UNC13B: variants seen among roughly 807,000 people sequenced by gnomAD.
UNC13B encodes the protein unc-13 homolog B, also known as protein unc-13 homolog B.
UNC13B carries 144 observed loss-of-function variants against 211.0 expected under a neutral mutation model. The ratio of observed to expected loss-of-function variants is 0.68; its 90% confidence interval spans 0.60 to 0.78. The LOEUF (loss-of-function observed/expected upper bound fraction) is 0.78. Among genes scored for constraint, UNC13B ranks in the 30% least tolerant of loss-of-function variants. UNC13B has a pLI of 0.00. For missense variants in UNC13B, 1,777 were observed against 2,002.0 expected (o/e 0.89, Z 2.14); for synonymous variants, 709 against 725.8 (o/e 0.98, Z 0.37).
chr9:35,284,482 G>A (rs1828680801), intron 7 of UNC13B, among the ~76,000 whole-genome samples: 1 of 151,858 alleles, frequency 6.6e-6, no homozygotes, highest in South Asian at 2.1e-4. Context: ...AATCATCTTT[G>A]CCTTTCTAAA....
intron 6 of UNC13B, among the ~76,000 whole-genome samples, chr9:35,250,523 A>G (rs1271734178): frequency 1.3e-5 from 2 of 152,192 alleles, no homozygotes; most frequent in African/African-American, 4.8e-5. Context: ...ATAACATTCC[A>G]TTGTATGGAT....
At chr9:35,258,747 G>T (rs766124129) in intron 6 of UNC13B, among the ~76,000 whole-genome samples, 10 of 152,204 alleles carry the variant, frequency 6.6e-5, no homozygotes, top group Non-Finnish European at 1.3e-4. Flanking sequence ...GGTGCCCTTG[G>T]TCAGGACAGT....
chr9:35,287,617 C>CTTTTT (rs954884413), intron 7 of UNC13B, among the ~76,000 whole-genome samples: 41 of 152,126 alleles, frequency 2.7e-4, no homozygotes, highest in African/African-American at 9.4e-4. Flanking sequence ...TTCATATAGT[C>CTTTTT]TTTTTTTCTT....
chr9:35,364,104 G>A (rs1049483552), intron 11 of UNC13B, among the ~76,000 whole-genome samples: 3 of 152,158 alleles, frequency 2.0e-5, no homozygotes, highest in African/African-American at 7.2e-5. Context: ...GGAGTTTGAG[G>A]ACTTATACCA....
At chr9:35,396,978 C>T (rs1171422889) in intron 28 of UNC13B, 41 bp downstream of exon 28, 1 of 1,611,294 alleles carries the variant, frequency 6.2e-7, no homozygotes, top group Non-Finnish European at 8.5e-7. Flanking sequence ...CAGGCCAGGT[C>T]TCCCAGCAAT....
intron 21 of UNC13B, among the ~76,000 whole-genome samples, chr9:35,382,764 A>AT: frequency 6.6e-6 from 1 of 151,916 alleles, no homozygotes; most frequent in South Asian, 2.1e-4. Context: ...GGGTTTTGCC[A>AT]TGTTGGCCAG....
chr9:35,162,726 G>A (rs2131221112), intron 1 of UNC13B, among the ~76,000 whole-genome samples: 1 of 152,208 alleles, frequency 6.6e-6, no homozygotes, highest in Admixed American at 6.5e-5. Flanking sequence ...CTTTGAATGC[G>A]TTAGTGGTAC....
intron 1 of UNC13B, among the ~76,000 whole-genome samples, chr9:35,183,892 C>T (rs1183988462): frequency 5.7e-5 from 8 of 139,658 alleles, no homozygotes; most frequent in East Asian, 4.5e-4. Flanking sequence ...GGGTGGTGGC[C>T]GGGCAGAGAC....
chr9:35,257,107 G>T (rs938752436), intron 6 of UNC13B, among the ~76,000 whole-genome samples: 11 of 151,534 alleles, frequency 7.3e-5, no homozygotes, highest in Non-Finnish European at 1.5e-5. Context: ...ATTTGTAGTG[G>T]CTATTATTTA....
intron 6 of UNC13B, among the ~76,000 whole-genome samples, chr9:35,257,650 G>C (rs1009915203): frequency 6.8e-6 from 1 of 146,134 alleles, no homozygotes; most frequent in Non-Finnish European, 1.5e-5. Context: ...TTTTGCTAGT[G>C]CTATCATATT....
intron 22 of UNC13B, chr9:35,385,098 AAT>A: frequency 1.0e-6 from 1 of 985,446 alleles, no homozygotes; most frequent in Non-Finnish European, 1.2e-6. Flanking sequence ...ACTGACCATT[AAT>A]GTGAAGACAG....
intron 6 of UNC13B, among the ~76,000 whole-genome samples, chr9:35,251,536 G>A (rs1010551878): frequency 4.6e-5 from 7 of 152,034 alleles, no homozygotes; most frequent in Non-Finnish European, 7.4e-5. Context: ...ACAGTGAGCC[G>A]AGATCACATC....
chr9:35,403,626 C>T (rs763077793), intron 39 of UNC13B, 27 bp downstream of exon 39: 8 of 1,426,108 alleles, frequency 5.6e-6, no homozygotes, highest in Non-Finnish European at 7.6e-6. Flanking sequence ...ACATACAGGA[C>T]TCTGGGATGG....
At chr9:35,381,278 A>G (rs1834816902) in intron 19 of UNC13B, 63 bp downstream of exon 19, 1 of 1,424,562 alleles carries the variant, frequency 7.0e-7, no homozygotes, top group South Asian at 1.3e-5. Flanking sequence ...TTTGGCCATA[A>G]GTAGGATTGC....
intron 2 of UNC13B, among the ~76,000 whole-genome samples, chr9:35,228,400 A>C (rs1031690418): frequency 3.3e-5 from 5 of 151,768 alleles, no homozygotes; most frequent in African/African-American, 1.2e-4. Context: ...GGTTTGTTAC[A>C]TAGGTATACA....
Position 35,362,799 on chromosome 9 carries a change from C to CAA in UNC13B, c.9415-4129_9415-4128dup, listed in dbSNP as rs36011341. On this transcript the variant is annotated intron_variant, in intron 11 of 39. Transcript: ENST00000635942. ...TGGGCAATAGAGCGAGACTCCGTCT[C>CAA]AAAAAAAAAAAAAAAAAAAATCTGC... is the stretch of plus-strand genomic sequence containing the variant. Among the ~76,000 whole-genome samples, 221 of 98,732 alleles carry CAA rather than the reference C, an allele frequency of 2.2e-3. 2 individuals are homozygous for CAA. Among genetic ancestry groups the CAA allele is most frequent in the South Asian group, 0.018 (57 of 3,140 alleles). 64.8% of individuals were successfully genotyped at this position (98,732 alleles called of 152,430 possible). A position where few individuals can be genotyped will look rare whatever the true frequency, so the allele number is the denominator to read the frequency against.
In UNC13B at chr9:35,283,981, C is replaced by T. The variant is rs973013101; in HGVS notation, c.527-11715C>T. ...ACAGTATTCATTGAGCAGTACAGGC[C>T]GGGCGTGGTGTTTCACGCCTGTAAT... On this transcript the variant is annotated intron_variant, in intron 7 of 39. Coordinates refer to ENST00000635942, the MANE Select transcript of UNC13B (RefSeq NM_001371189.2). 5.3e-5 allele frequency among the ~76,000 whole-genome samples: 8 copies of T among 152,214 alleles called. No individual in the cohort carries two copies. The East Asian group carries it at 5.8e-4, about 11-fold the overall frequency.
intron 11 of UNC13B, among the ~76,000 whole-genome samples, chr9:35,317,146 C>A (rs1229775646): frequency 6.6e-6 from 1 of 152,096 alleles, no homozygotes; most frequent in Non-Finnish European, 1.5e-5. Flanking sequence ...ATAGGGCTGC[C>A]TAACTGCAAA....
At chr9:35,209,909 A>T (rs770981269) in intron 1 of UNC13B, among the ~76,000 whole-genome samples, 68 of 152,090 alleles carry the variant, frequency 4.5e-4, no homozygotes, top group Non-Finnish European at 9.6e-4. Context: ...TACTTTCCTT[A>T]GGTGCCTTAC....
Sources: gnomAD v4.1 joint callset for allele counts (sites outside exome capture counted in the v4.1 genomes callset) on GRCh38, gnomAD v4.1.1 for gene constraint, MANE v1.5 for transcripts, NCBI Gene and HGNC (gene_info 2026-07-23, HGNC 2026-07-21) for gene names.